AK9: variants seen among roughly 807,000 people sequenced by gnomAD.
The protein encoded by AK9 is adenylate kinase domain containing 1.
Under a neutral mutation model 239.6 loss-of-function variants are expected in AK9, and 191 were observed. The observed-to-expected ratio is 0.80, with a 90% CI of 0.71 to 0.90. AK9 has a LOEUF of 0.90. AK9 is among the 40% of genes least tolerant of loss of function. The probability of loss-of-function intolerance (pLI) is 0.00; values close to 1 mark genes in which losing one functional copy is unlikely to be tolerated. For synonymous variants in AK9, 689 were observed against 721.0 expected (o/e 0.96, Z 0.71); for missense variants, 1,995 against 2,214.7 (o/e 0.90, Z 1.99).
intron 1 of AK9, among the ~76,000 whole-genome samples, chr6:109,687,573 C>A (rs1406907038): frequency 6.6e-6 from 1 of 152,162 alleles, no homozygotes; most frequent in African/African-American, 2.4e-5. Context: ...GCAGCCCCTG[C>A]CAACAGCTGG....
intron 27 of AK9, among the ~76,000 whole-genome samples, chr6:109,534,266 T>G (rs868648774): frequency 2.0e-5 from 3 of 147,110 alleles, no homozygotes; most frequent in Middle Eastern, 3.2e-3. Flanking sequence ...AACTGGAATG[T>G]TAATTAGAGC....
intron 22 of AK9, among the ~76,000 whole-genome samples, 162 bp from the exon 23 acceptor site, chr6:109,564,442 T>C (rs1293987745): frequency 6.6e-6 from 1 of 152,220 alleles, no homozygotes; most frequent in African/African-American, 2.4e-5. Flanking sequence ...AATTATGCTT[T>C]GTTCTTATAT....
chr6:109,540,388 G>C (rs1281902549), intron 27 of AK9, among the ~76,000 whole-genome samples: 1 of 152,232 alleles, frequency 6.6e-6, no homozygotes, highest in Non-Finnish European at 1.5e-5. Context: ...CTGTGGGTGT[G>C]GGACCCTCTG....
intron 9 of AK9, 54 bp from the exon 10 acceptor site, chr6:109,641,670 C>A: frequency 6.8e-7 from 1 of 1,469,978 alleles, no homozygotes; most frequent in African/African-American, 1.4e-5. Flanking sequence ...ATCTCAAATA[C>A]TCTGAAACAG....
At chr6:109,558,241 G>A (rs985952601) in intron 24 of AK9, among the ~76,000 whole-genome samples, 1 of 151,876 alleles carries the variant, frequency 6.6e-6, no homozygotes, top group Non-Finnish European at 1.5e-5. Context: ...TACTTTTGAC[G>A]AAGGCCAATT....
intron 20 of AK9, among the ~76,000 whole-genome samples, chr6:109,579,184 A>G (rs1788505404): frequency 6.6e-6 from 1 of 152,180 alleles, no homozygotes; most frequent in African/African-American, 2.4e-5. Context: ...CAACTCCTGT[A>G]GGATGGTTCT....
At chr6:109,503,656 G>A (rs1229750704) in intron 35 of AK9, among the ~76,000 whole-genome samples, 1 of 152,220 alleles carries the variant, frequency 6.6e-6, no homozygotes, top group Non-Finnish European at 1.5e-5. Context: ...AGACTTCACT[G>A]AGATGAAACT....
At chr6:109,535,906 A>G (rs560719996) in intron 27 of AK9, among the ~76,000 whole-genome samples, 12 of 152,202 alleles carry the variant, frequency 7.9e-5, no homozygotes, top group Non-Finnish European at 1.6e-4. Flanking sequence ...TTCAAAGATC[A>G]GATGGTTGTA....
intron 21 of AK9, among the ~76,000 whole-genome samples, chr6:109,566,314 G>A (rs540963984): frequency 1.3e-4 from 20 of 152,048 alleles, no homozygotes; most frequent in Admixed American, 3.3e-4. Flanking sequence ...TGCAAGAGTT[G>A]GATATATTCT....
Position 109,672,123 on chromosome 6 carries a change from C to A in AK9, c.226G>T (p.Gly76Ter). The change falls in exon 4 of 41, where the codon GGA (glycine) becomes TGA (stop). Residue 76 changes from glycine (G) to a stop codon, truncating the protein, a stop_gained. Coordinates refer to ENST00000424296, the MANE Select transcript of AK9 (RefSeq NM_001145128.3). LOFTEE classifies it high-confidence loss of function. ...AATTTAGGTTTGTTTACCATAACTCCTGATTCGGTTTCAGCAGCAATCTGT... is the reference window on the plus strand; with the variant it reads ...AATTTAGGTTTGTTTACCATAACTCATGATTCGGTTTCAGCAGCAATCTGT... Reference protein sequence around the residue: ...EEQIAAETESGVMLQSMLISG... With the variant: ...EEQIAAETES 1 of 1,613,336 alleles carries A rather than the reference C, an allele frequency of 6.2e-7. No individual in the cohort carries two copies. Among genetic ancestry groups the A allele is most frequent in the Non-Finnish European group, 8.5e-7 (1 of 1,179,708 alleles).
chr6:109,683,149 CAT>C (rs1772932207), intron 1 of AK9, among the ~76,000 whole-genome samples: 2 of 152,196 alleles, frequency 1.3e-5, no homozygotes, highest in Non-Finnish European at 2.9e-5. Context: ...GACAAAACCA[CAT>C]GATTATCTCA....
intron 15 of AK9, 105 bp from the exon 16 acceptor site, chr6:109,612,198 C>T (rs2128240221): frequency 1.5e-6 from 1 of 650,230 alleles, no homozygotes; most frequent in Non-Finnish European, 2.5e-6. Context: ...GACTCACATT[C>T]CCAATTTTTA....
At chr6:109,607,766 G>GGGGT (rs1429497431) in intron 17 of AK9, among the ~76,000 whole-genome samples, 10 of 101,714 alleles carry the variant, frequency 9.8e-5, no homozygotes, top group African/African-American at 2.8e-4. Context: ...TCCCAGCAGA[G>GGGGT]GGGTGTGTGT....
Position 109,659,229 on chromosome 6 carries a change from T to C in AK9, c.629A>G (p.Glu210Gly). ...EEEEEEQEEE[E>G]AFIAEMQMVA... Reference sequence around the variant, plus strand: ...GGTAGTTACCTATTGAGATATTACCTCTTCTTCTTCTTGCTCTTCTTCCTC... The same window carrying C: ...GGTAGTTACCTATTGAGATATTACCCCTTCTTCTTCTTGCTCTTCTTCCTC... The change falls in exon 7 of 41, where the codon GAG becomes GGG. Residue 210 changes from glutamate to glycine, a missense_variant and splice_region_variant. Around this residue, in one of 5 missense-constraint regions of AK9, gnomAD observed 252 missense variants for 246.4 expected, o/e 1.02. Transcript: ENST00000424296. The C allele has an allele frequency of 6.4e-7, 1 of 1,560,804 alleles. No homozygotes were observed. Among genetic ancestry groups the C allele is most frequent in the East Asian group, 2.3e-5 (1 of 44,022 alleles).
rs17070666 is a variant in AK9 at position 109,516,026 on chromosome 6, C to T, written c.3896G>A (p.Arg1299Gln). ...TGTATATTGTACAATGTGATTTCTCCGAGCTCCATTAATGGAAATTATTGG... is the reference window on the plus strand; with the variant it reads ...TGTATATTGTACAATGTGATTTCTCTGAGCTCCATTAATGGAAATTATTGG... ...LIPIISINGARRNHIVQYTLN... is the reference protein window; with the variant it reads ...LIPIISINGAQRNHIVQYTLN... The change falls in exon 31 of 41, where the codon CGG (arginine) becomes CAG (glutamine). Residue 1299 changes from arginine (R) to glutamine (Q), a missense_variant. Coordinates refer to ENST00000424296, the MANE Select transcript of AK9 (RefSeq NM_001145128.3). The T allele has an allele frequency of 0.02, 30,773 of 1,551,000 alleles. 832 individuals are homozygous for T. Among genetic ancestry groups the T allele is most frequent in the East Asian group, 0.11 (4,661 of 40,886 alleles).
At chr6:109,558,569 G>A (rs933686376) in intron 24 of AK9, among the ~76,000 whole-genome samples, 17 of 152,212 alleles carry the variant, frequency 1.1e-4, no homozygotes, top group African/African-American at 4.1e-4. Flanking sequence ...ACTCTCTTGT[G>A]TTCTATTAAT....
intron 26 of AK9, among the ~76,000 whole-genome samples, chr6:109,543,749 G>A (rs1009924519): frequency 6.6e-6 from 1 of 151,792 alleles, no homozygotes; most frequent in Non-Finnish European, 1.5e-5. Context: ...TGCCTGTCCC[G>A]ATATACATTT....
chr6:109,571,256 CCA>C (rs1787381394), intron 21 of AK9, among the ~76,000 whole-genome samples: 1 of 152,108 alleles, frequency 6.6e-6, no homozygotes, highest in Admixed American at 6.6e-5. Context: ...CTACAGAAAT[CCA>C]CAGCCTGTTC....
intron 24 of AK9, among the ~76,000 whole-genome samples, chr6:109,560,781 A>G (rs1785654871): frequency 6.6e-6 from 1 of 152,110 alleles, no homozygotes; most frequent in African/African-American, 2.4e-5. Flanking sequence ...TGCTGATCTC[A>G]TAGAATGACT....
Sources: allele counts gnomAD v4.1 joint callset (sites outside exome capture counted in the v4.1 genomes callset), GRCh38; gene constraint gnomAD v4.1.1; regional missense constraint gnomAD v4.1.1; transcripts MANE v1.5; gene names NCBI Gene and HGNC (gene_info 2026-07-23, HGNC 2026-07-21).